Variants in ARHGAP28 observed in about 807,000 individuals in gnomAD.
The protein encoded by ARHGAP28 is Rho GTPase activating protein 28.
ARHGAP28 carries 56 observed loss-of-function variants against 90.7 expected under a neutral mutation model. The ratio of observed to expected loss-of-function variants is 0.62; its 90% confidence interval spans 0.50 to 0.77. ARHGAP28 has a LOEUF of 0.77. Among genes scored for constraint, ARHGAP28 ranks in the 30% least tolerant of loss-of-function variants. The pLI is 0.00. For missense variants in ARHGAP28, 869 were observed against 900.9 expected (o/e 0.96, Z 0.45); for synonymous variants, 308 against 323.3 (o/e 0.95, Z 0.51).
intron 10 of ARHGAP28, among the ~76,000 whole-genome samples, chr18:6,877,952 C>CTGTGTG (rs147702310): frequency 2.0e-5 from 3 of 150,044 alleles, no homozygotes; most frequent in African/African-American, 7.3e-5. Context: ...ACTGGTTCCT[C>CTGTGTG]TGTGTGTGTG....
At chr18:6,827,290 G>A (rs1183514181) in intron 2 of ARHGAP28, among the ~76,000 whole-genome samples, 3 of 149,468 alleles carry the variant, frequency 2.0e-5, no homozygotes, top group Non-Finnish European at 3.0e-5. Flanking sequence ...CTCACCTCCC[G>A]GACGGGGCGG....
chr18:6,906,186 A>C (rs2057363809), intron 16 of ARHGAP28, among the ~76,000 whole-genome samples: 1 of 152,244 alleles, frequency 6.6e-6, no homozygotes, highest in South Asian at 2.1e-4. Context: ...TATTGGTGGA[A>C]GGATAGATAC....
chr18:6,837,547 A>AGT lies in ARHGAP28; in HGVS notation c.543+134_543+135insTG, dbSNP rs1294094682. 7 of 685,138 alleles carry AGT rather than the reference A, an allele frequency of 1.0e-5. No homozygotes were observed. The African/African-American group carries it at 1.3e-4, about 12-fold the overall frequency. The allele number at this position is 685,138 out of a possible 1,614,324, so 42.4% of individuals were successfully genotyped here. On this transcript the variant is annotated intron_variant, in intron 3 of 17. Transcript: ENST00000383472. ...CATTCTAACTTTTTGAGAAAACTAAAGCAGACAGCACAGTGCAAATTTTTA... is the reference window on the plus strand; with the variant it reads ...CATTCTAACTTTTTGAGAAAACTAAAGTGCAGACAGCACAGTGCAAATTTTTA...
intron 1 of ARHGAP28, among the ~76,000 whole-genome samples, chr18:6,744,541 C>T (rs1250556186): frequency 6.6e-6 from 1 of 152,146 alleles, no homozygotes; most frequent in African/African-American, 2.4e-5. Flanking sequence ...TTTATGATAA[C>T]ACCTTTCTCC....
At chr18:6,854,782 G>T (rs920581848) in intron 4 of ARHGAP28, among the ~76,000 whole-genome samples, 1 of 150,316 alleles carries the variant, frequency 6.7e-6, no homozygotes, top group Admixed American at 6.6e-5. Flanking sequence ...TGCAGCTCTG[G>T]ACCCGGGCAT....
intron 4 of ARHGAP28, among the ~76,000 whole-genome samples, chr18:6,858,850 T>G (rs899881199): frequency 3.3e-5 from 5 of 150,236 alleles, no homozygotes; most frequent in Admixed American, 3.3e-4. Flanking sequence ...TACTAGTTCT[T>G]GTTTCTTATT....
intron 1 of ARHGAP28, among the ~76,000 whole-genome samples, chr18:6,800,786 C>T (rs749650308): frequency 6.6e-6 from 1 of 152,092 alleles, no homozygotes; most frequent in South Asian, 2.1e-4. Context: ...TGCAGCAAAC[C>T]ACCATGGCAC....
intron 9 of ARHGAP28, 64 bp from the exon 10 acceptor site, chr18:6,876,067 A>G: frequency 8.0e-7 from 1 of 1,254,512 alleles, no homozygotes; most frequent in Non-Finnish European, 1.2e-6. Flanking sequence ...CATCATTGTT[A>G]CTGTTTCATA....
chr18:6,750,527 A>G (rs966013470), intron 1 of ARHGAP28, among the ~76,000 whole-genome samples: 1 of 152,196 alleles, frequency 6.6e-6, no homozygotes, highest in Admixed American at 6.5e-5. Context: ...AAAGAATGTC[A>G]AAGACTGGAT....
At chr18:6,844,504 G>C (rs550903284) in intron 3 of ARHGAP28, among the ~76,000 whole-genome samples, 4 of 152,224 alleles carry the variant, frequency 2.6e-5, no homozygotes, top group African/African-American at 9.6e-5. Context: ...CGAGTGCATA[G>C]GTAATCATAG....
At chr18:6,751,324 T>C (rs562093060) in intron 1 of ARHGAP28, among the ~76,000 whole-genome samples, 1 of 151,822 alleles carries the variant, frequency 6.6e-6, no homozygotes, top group East Asian at 1.9e-4. Flanking sequence ...TTTTTATCTC[T>C]TGTAAAGAAA....
At chr18:6,889,691 A>AGGC (rs2057249204) in intron 12 of ARHGAP28, among the ~76,000 whole-genome samples, 197 bp from the exon 13 acceptor site, 1 of 152,184 alleles carries the variant, frequency 6.6e-6, no homozygotes, top group Admixed American at 6.5e-5. Flanking sequence ...TACTTTCATG[A>AGGC]AGCAGACAGT....
intron 16 of ARHGAP28, chr18:6,896,973 C>T (rs753841333): frequency 2.3e-5 from 4 of 177,238 alleles, no homozygotes; most frequent in South Asian, 1.2e-4. Flanking sequence ...AGTGCAATCG[C>T]GCAATCTTGG....
chr18:6,863,794 T>C (rs1266307066), intron 5 of ARHGAP28, among the ~76,000 whole-genome samples: 1 of 151,580 alleles, frequency 6.6e-6, no homozygotes, highest in Non-Finnish European at 1.5e-5. Flanking sequence ...TAATTTTTTT[T>C]TTTTTTTGAC....
intron 16 of ARHGAP28, among the ~76,000 whole-genome samples, chr18:6,902,416 A>AT (rs1247123001): frequency 3.3e-5 from 5 of 152,166 alleles, no homozygotes; most frequent in Non-Finnish European, 7.3e-5. Flanking sequence ...TTATTTTAAA[A>AT]TTGTTTCTAG....
intron 1 of ARHGAP28, among the ~76,000 whole-genome samples, chr18:6,760,648 G>C (rs2056151892): frequency 6.6e-6 from 1 of 152,254 alleles, no homozygotes; most frequent in East Asian, 1.9e-4. Context: ...CTTTGATAAA[G>C]CAATAATTAG....
intron 16 of ARHGAP28, among the ~76,000 whole-genome samples, chr18:6,899,076 C>T (rs2057324616): frequency 6.6e-6 from 1 of 152,118 alleles, no homozygotes; most frequent in African/African-American, 2.4e-5. Context: ...AAATCTTGCC[C>T]TATCCATTCT....
At chr18:6,844,607 A>C (rs1410649862) in intron 3 of ARHGAP28, among the ~76,000 whole-genome samples, 1 of 152,224 alleles carries the variant, frequency 6.6e-6, no homozygotes, top group Non-Finnish European at 1.5e-5. Flanking sequence ...CATAAATAAA[A>C]TGCACTTTCA....
At chr18:6,785,791 T>A (rs2143515590) in intron 1 of ARHGAP28, among the ~76,000 whole-genome samples, 1 of 152,364 alleles carries the variant, frequency 6.6e-6, no homozygotes, top group Non-Finnish European at 1.5e-5. Flanking sequence ...CAGGCTTTAC[T>A]TAGTTTTCCA....
Sources: gnomAD v4.1 joint callset for allele counts (sites outside exome capture counted in the v4.1 genomes callset) on GRCh38, gnomAD v4.1.1 for gene constraint, MANE v1.5 for transcripts, NCBI Gene and HGNC (gene_info 2026-07-23, HGNC 2026-07-21) for gene names.